The following MEIS1 variants were observed in gnomAD, a reference collection of about 807,000 sequenced individuals.
MEIS1 encodes the protein homeobox protein Meis1.
Under a neutral mutation model 50.8 loss-of-function variants are expected in MEIS1, and 5 were observed. The observed-to-expected ratio is 0.10, with a 90% CI of 0.05 to 0.21. The LOEUF is 0.21. Among genes scored for constraint, MEIS1 ranks in the 10% least tolerant of loss-of-function variants. MEIS1 has a pLI of 1.00. For missense variants in MEIS1, 318 were observed against 517.3 expected, an observed-to-expected ratio of 0.61 and a Z score of 3.74; for synonymous variants, 176 against 179.3, an observed-to-expected ratio of 0.98 and a Z score of 0.15.
Position 66,571,399 on chromosome 2 carries a change from A to G in MEIS1, c.*191A>G. The G allele has an allele frequency of 6.2e-7, 1 of 1,605,000 alleles. No homozygotes were observed. The highest frequency in any genetic ancestry group is 1.1e-5 in the South Asian group (1 of 90,084). On this transcript the variant is annotated 3_prime_UTR_variant, in exon 13 of 13. Transcript: ENST00000272369. ...CATACGTACATTCCTGGACACCCTC[A>G]CCACCCAACAGTGATGATGCATGGA...
At chr2:66,436,981 A>G in intron 1 of MEIS1, 1 of 976,204 alleles carries the variant, frequency 1.0e-6, no homozygotes, top group East Asian at 1.1e-4. Context: ...TAGTCTGGAA[A>G]CAAAGTTCAT....
At chr2:66,484,420 A>C (rs1003629972) in intron 7 of MEIS1, among the ~76,000 whole-genome samples, 1 of 152,314 alleles carries the variant, frequency 6.6e-6, no homozygotes, top group Non-Finnish European at 1.5e-5. Context: ...CTCATGACAT[A>C]GCAAAGTGCT....
intron 10 of MEIS1, chr2:66,568,322 T>A (rs968105232): frequency 9.2e-6 from 2 of 216,802 alleles, no homozygotes; most frequent in South Asian, 1.5e-4. Flanking sequence ...TCTCATCTCT[T>A]AGGGAGCACT....
chr2:66,552,409 G>A (rs1255249523), intron 9 of MEIS1, among the ~76,000 whole-genome samples: 1 of 152,118 alleles, frequency 6.6e-6, no homozygotes, highest in African/African-American at 2.4e-5. Context: ...AAAATATATA[G>A]TGTATGTGAA....
In MEIS1 at chr2:66,538,974, G is replaced by A. The variant is rs188421625; in HGVS notation, c.889-8969G>A. Among the ~76,000 whole-genome samples the A allele has an allele frequency of 4.7e-3, 722 of 152,106 alleles. 3 individuals are homozygous for A. The highest frequency in any genetic ancestry group is 0.016 in the African/African-American group (672 of 41,462). ...GCGATCTCGGCTCACTGCAACCTCC[G>A]CCTCCCGGGTTCAAGCGATTATTCT... On this transcript the variant is annotated intron_variant, in intron 8 of 12. Transcript: ENST00000272369.
chr2:66,571,496 G>T lies in MEIS1; in HGVS notation c.*288G>T, dbSNP rs1406345899. On this transcript the variant is annotated 3_prime_UTR_variant, in exon 13 of 13. Coordinates refer to ENST00000272369, the MANE Select transcript of MEIS1 (RefSeq NM_002398.3). ...TTCTTAATACAGGAGACCCAACAAT[G>T]AGTGGACAAGTCATGGACATTCATG... 13 of 1,581,534 alleles carry T rather than the reference G, an allele frequency of 8.2e-6. No homozygotes were observed. Among genetic ancestry groups the T allele is most frequent in the Non-Finnish European group, 1.1e-5 (13 of 1,164,330 alleles).
intron 7 of MEIS1, among the ~76,000 whole-genome samples, chr2:66,502,966 A>G (rs1481613158): frequency 6.6e-6 from 1 of 152,210 alleles, no homozygotes; most frequent in Non-Finnish European, 1.5e-5. Flanking sequence ...ACTGGCTTCT[A>G]TGCAAAAATA....
intron 8 of MEIS1, among the ~76,000 whole-genome samples, chr2:66,536,483 T>C (rs1235094051): frequency 6.6e-6 from 1 of 152,230 alleles, no homozygotes; most frequent in Non-Finnish European, 1.5e-5. Flanking sequence ...ATGCAAAGCA[T>C]GTTTTACACT....
chr2:66,544,641 T>A (rs561022736), intron 8 of MEIS1, among the ~76,000 whole-genome samples: 11 of 151,882 alleles, frequency 7.2e-5, no homozygotes, highest in South Asian at 4.2e-4. Flanking sequence ...ATTAAAAAAA[T>A]ATATATATAT....
At chr2:66,543,441 T>C (rs1674704662) in intron 8 of MEIS1, among the ~76,000 whole-genome samples, 1 of 152,206 alleles carries the variant, frequency 6.6e-6, no homozygotes, top group Admixed American at 6.5e-5. Context: ...AGTTATTCCC[T>C]TTCGCTGGGG....
At chr2:66,510,787 C>T (rs1454438470) in intron 7 of MEIS1, among the ~76,000 whole-genome samples, 3 of 152,014 alleles carry the variant, frequency 2.0e-5, no homozygotes, top group Non-Finnish European at 4.4e-5. Flanking sequence ...TTAGTTGCAA[C>T]ATACCTACTA....
intron 7 of MEIS1, among the ~76,000 whole-genome samples, chr2:66,486,753 T>G (rs1673153100): frequency 6.6e-6 from 1 of 152,232 alleles, no homozygotes; most frequent in Non-Finnish European, 1.5e-5. Context: ...TTTCCATTTG[T>G]TTGTGTCCTT....
Position 66,510,867 on chromosome 2 carries a change from T to C in MEIS1, c.743-1282T>C, listed in dbSNP as rs369527241. Among the ~76,000 whole-genome samples, 18 of 152,268 alleles carry C rather than the reference T, an allele frequency of 1.2e-4. No individual in the cohort carries two copies. In the East Asian group the frequency reaches 1.4e-3, roughly 11 times the overall value. ...TTTATGTAGGACCTAATAACAGAAA[T>C]GAGAAATACAGAAATTCATGAAGCC... is the stretch of plus-strand genomic sequence containing the variant. On this transcript the variant is annotated intron_variant, in intron 7 of 12. Transcript: ENST00000272369.
chr2:66,476,582 A>C (rs1162650062), intron 7 of MEIS1, among the ~76,000 whole-genome samples: 1 of 152,198 alleles, frequency 6.6e-6, no homozygotes, highest in Non-Finnish European at 1.5e-5. Context: ...CCTAGTGAGC[A>C]GGTTCTGAGT....
At chr2:66,440,421 G>A in intron 3 of MEIS1, 141 bp from the exon 4 acceptor site, 1 of 727,130 alleles carries the variant, frequency 1.4e-6, no homozygotes, top group Non-Finnish European at 2.5e-6. Flanking sequence ...CGAACTCGGT[G>A]TCACCGGGTC....
chr2:66,461,870 A>T (rs1314948286), intron 6 of MEIS1: 1 of 470,874 alleles, frequency 2.1e-6, no homozygotes, highest in East Asian at 7.0e-5. Context: ...GGATGAAGAA[A>T]AATGGTGATG....
At chr2:66,464,258 T>G in intron 7 of MEIS1, 38 bp downstream of exon 7, 1 of 1,488,404 alleles carries the variant, frequency 6.7e-7, no homozygotes, top group South Asian at 1.2e-5. Context: ...ACTTGTTTCA[T>G]TTTTAAGGAT....
chr2:66,453,156 A>G (rs116089990), intron 6 of MEIS1, among the ~76,000 whole-genome samples: 1 of 152,110 alleles, frequency 6.6e-6, no homozygotes, highest in Non-Finnish European at 1.5e-5. Context: ...GAATTGTTTG[A>G]GTGTTTAATA....
chr2:66,538,092 G>A (rs985522917), intron 8 of MEIS1, among the ~76,000 whole-genome samples: 1 of 152,176 alleles, frequency 6.6e-6, no homozygotes, highest in Non-Finnish European at 1.5e-5. Flanking sequence ...TGAAGTTAGA[G>A]AGTAGGAAGG....
Sources: allele counts gnomAD v4.1 joint callset (sites outside exome capture counted in the v4.1 genomes callset), GRCh38; gene constraint gnomAD v4.1.1; transcripts MANE v1.5; gene names NCBI Gene and HGNC (gene_info 2026-07-23, HGNC 2026-07-21).